PCDH11X: variants seen among roughly 807,000 people sequenced by gnomAD.
PCDH11X encodes the protein protocadherin-11 X-linked.
PCDH11X carries 18 observed loss-of-function variants against 53.3 expected under a neutral mutation model. The observed-to-expected ratio is 0.34, with a 90% CI of 0.23 to 0.50. The LOEUF is 0.50. Among genes scored for constraint, PCDH11X ranks in the 20% least tolerant of loss-of-function variants. The pLI, the probability that PCDH11X is intolerant of heterozygous loss-of-function variation, is 0.98. For synonymous variants in PCDH11X, 279 were observed against 393.3 expected, an observed-to-expected ratio of 0.71 and a Z score of 3.44; for missense variants, 570 against 1,032.4, an observed-to-expected ratio of 0.55 and a Z score of 6.14.
At chrX:92,066,747 G>T (rs1322524686) in intron 6 of PCDH11X, among the ~76,000 whole-genome samples, 2 of 111,788 alleles carry the variant, frequency 1.8e-5, no homozygotes, top group Admixed American at 9.5e-5. Flanking sequence ...GGCGTCTTTC[G>T]GTTTTTCCAA....
intron 10 of PCDH11X, among the ~76,000 whole-genome samples, chrX:92,525,481 A>G (rs2074433414): frequency 9.2e-6 from 1 of 109,047 alleles, no homozygotes; most frequent in Admixed American, 9.9e-5. Context: ...AAATACAAAA[A>G]TTAGCCAGGA....
At chrX:92,395,410 A>G (rs2071222168) in intron 9 of PCDH11X, among the ~76,000 whole-genome samples, 2 of 111,249 alleles carry the variant, frequency 1.8e-5, no homozygotes, top group African/African-American at 6.5e-5. Context: ...AGCACAGACC[A>G]TTGTAGATAA....
At chrX:91,917,689 GA>G (rs1037359913) in intron 6 of PCDH11X, among the ~76,000 whole-genome samples, 1 of 88,285 alleles carries the variant, frequency 1.1e-5, no homozygotes, top group Non-Finnish European at 2.2e-5. Context: ...AACACAAATA[GA>G]AACACATCCC....
At chrX:91,821,053 C>G (rs1404853034) in intron 4 of PCDH11X, among the ~76,000 whole-genome samples, 2 of 105,888 alleles carry the variant, frequency 1.9e-5, no homozygotes, top group Non-Finnish European at 3.8e-5. Context: ...GGTACCAGTA[C>G]CATGCTGTTT....
chrX:92,021,287 A>G (rs2062879963), intron 6 of PCDH11X, among the ~76,000 whole-genome samples: 1 of 108,825 alleles, frequency 9.2e-6, no homozygotes, highest in Admixed American at 9.9e-5. Context: ...AGGTTACAGG[A>G]GCTGCTAACT....
intron 9 of PCDH11X, among the ~76,000 whole-genome samples, chrX:92,463,763 T>C (rs1030613288): frequency 9.0e-5 from 10 of 111,201 alleles, no homozygotes; most frequent in African/African-American, 2.9e-4. Flanking sequence ...TTACAGCCTT[T>C]GCAAAGATTT....
chrX:92,536,822 T>C (rs1235710772), intron 10 of PCDH11X, among the ~76,000 whole-genome samples: 8 of 109,788 alleles, frequency 7.3e-5, no homozygotes, highest in Non-Finnish European at 1.5e-4. Flanking sequence ...AATGCTAGGA[T>C]AAATTTTGTA....
At chrX:92,078,878 A>G (rs987808457) in intron 6 of PCDH11X, among the ~76,000 whole-genome samples, 1 of 111,003 alleles carries the variant, frequency 9.0e-6, no homozygotes, top group African/African-American at 3.3e-5. Context: ...ACACACGCCT[A>G]TATAGAATTG....
intron 8 of PCDH11X, among the ~76,000 whole-genome samples, chrX:92,373,549 T>G (rs1353374111): frequency 1.8e-5 from 2 of 111,092 alleles, no homozygotes; most frequent in African/African-American, 6.6e-5. Context: ...AAAGAGCATA[T>G]TCTGGAATGA....
At chrX:91,872,912 C>A (rs1292727871) in intron 5 of PCDH11X, among the ~76,000 whole-genome samples, 2 of 106,872 alleles carry the variant, frequency 1.9e-5, no homozygotes, top group African/African-American at 6.8e-5. Flanking sequence ...GTTAGTTATT[C>A]TTTATTCCTG....
chrX:92,332,712 T>A (rs184323926), intron 8 of PCDH11X, among the ~76,000 whole-genome samples: 34 of 105,035 alleles, frequency 3.2e-4, no homozygotes, highest in Middle Eastern at 0.01. Flanking sequence ...TGAAATGTAG[T>A]TACTAAAACA....
intron 6 of PCDH11X, among the ~76,000 whole-genome samples, chrX:92,174,660 C>T (rs746689128): frequency 9.0e-6 from 1 of 111,705 alleles, no homozygotes; most frequent in Non-Finnish European, 1.9e-5. Flanking sequence ...GGAATGGCAG[C>T]TCTGATAACG....
chrX:92,305,442 C>G (rs2068805388), intron 8 of PCDH11X, among the ~76,000 whole-genome samples: 1 of 109,162 alleles, frequency 9.2e-6, no homozygotes, highest in Non-Finnish European at 1.9e-5. Flanking sequence ...TGTGTGCATG[C>G]AGAGTGAGAG....
chrX:92,104,207 G>A (rs2064325494), intron 6 of PCDH11X, among the ~76,000 whole-genome samples: 1 of 110,925 alleles, frequency 9.0e-6, no homozygotes, highest in Non-Finnish European at 1.9e-5. Context: ...ACAGGTGTGA[G>A]GAGGGGAGGC....
intron 6 of PCDH11X, among the ~76,000 whole-genome samples, chrX:92,090,263 CT>C (rs1468303933): frequency 9.0e-6 from 1 of 111,409 alleles, no homozygotes; most frequent in Non-Finnish European, 1.9e-5. Context: ...ACAGTGCCAC[CT>C]TTTTATTGAG....
At chrX:92,148,994 C>G (rs888816160) in intron 6 of PCDH11X, among the ~76,000 whole-genome samples, 2 of 111,279 alleles carry the variant, frequency 1.8e-5, no homozygotes, top group Non-Finnish European at 3.8e-5. Flanking sequence ...CTTTCCCTCA[C>G]ATTATATTTT....
chrX:92,244,759 A>C (rs2148389283), intron 7 of PCDH11X, among the ~76,000 whole-genome samples: 1 of 111,657 alleles, frequency 9.0e-6, no homozygotes, highest in South Asian at 3.8e-4. Context: ...GTTAAGTGGT[A>C]GAATTGGGTT....
intron 10 of PCDH11X, among the ~76,000 whole-genome samples, chrX:92,617,735 C>T (rs1473697331): frequency 8.1e-5 from 9 of 110,804 alleles, no homozygotes; most frequent in East Asian, 2.8e-4. Flanking sequence ...TAAAGGATAC[C>T]GAAATCACTT....
intron 6 of PCDH11X, among the ~76,000 whole-genome samples, chrX:92,017,619 C>A (rs1307293678): frequency 5.8e-5 from 6 of 104,129 alleles, no homozygotes; most frequent in Non-Finnish European, 1.2e-4. Flanking sequence ...ATGGCTTGAA[C>A]CTGGGAGGTT....
Sources: allele counts gnomAD v4.1 joint callset (sites outside exome capture counted in the v4.1 genomes callset), GRCh38; gene constraint gnomAD v4.1.1; transcripts MANE v1.5; gene names NCBI Gene and HGNC (gene_info 2026-07-23, HGNC 2026-07-21).